DCDC2C: variants seen among roughly 807,000 people sequenced by gnomAD.
DCDC2C encodes the protein doublecortin domain containing 2C.
Under a neutral mutation model 45.0 loss-of-function variants are expected in DCDC2C, and 44 were observed. The observed-to-expected ratio is 0.98, with a 90% CI of 0.77 to 1.26. The LOEUF is 1.26. Ranked by LOEUF, DCDC2C falls within the 50% of genes most tolerant of loss-of-function variation. The pLI is 0.00. For missense variants in DCDC2C, 447 were observed against 468.9 expected, an observed-to-expected ratio of 0.95 and a Z score of 0.43; for synonymous variants, 187 against 178.8, an observed-to-expected ratio of 1.05 and a Z score of -0.37.
At chr2:3,728,053 A>G (rs1668745771) in intron 3 of DCDC2C, among the ~76,000 whole-genome samples, 1 of 152,172 alleles carries the variant, frequency 6.6e-6, no homozygotes, top group Non-Finnish European at 1.5e-5. Flanking sequence ...GAGTTTCCAG[A>G]GAATGCTGAG....
At chr2:3,836,724 C>T (rs144804987) in intron 10 of DCDC2C, among the ~76,000 whole-genome samples, 1,588 of 152,044 alleles carry the variant, frequency 0.01, 26 homozygotes, top group African/African-American at 0.035. Flanking sequence ...TAGCCGGGCA[C>T]GGTGGCGGGC....
intron 10 of DCDC2C, among the ~76,000 whole-genome samples, chr2:3,815,327 G>A (rs1039973879): frequency 6.6e-6 from 1 of 152,002 alleles, no homozygotes; most frequent in Non-Finnish European, 1.5e-5. Context: ...GCACTGCATT[G>A]TTCTTCCTTC....
chr2:3,766,937 G>A (rs1486296359), intron 6 of DCDC2C, among the ~76,000 whole-genome samples: 3 of 152,216 alleles, frequency 2.0e-5, no homozygotes, highest in Admixed American at 6.5e-5. Context: ...GTGGAAAGCC[G>A]TAGGATACTC....
intron 10 of DCDC2C, among the ~76,000 whole-genome samples, chr2:3,799,811 C>T (rs2148200710): frequency 6.6e-6 from 1 of 152,410 alleles, no homozygotes; most frequent in East Asian, 1.9e-4. Flanking sequence ...GAGGTTACTG[C>T]TGTCTTTTTG....
At chr2:3,750,389 C>T (rs541528164) in intron 4 of DCDC2C, among the ~76,000 whole-genome samples, 2 of 152,160 alleles carry the variant, frequency 1.3e-5, no homozygotes, top group African/African-American at 2.4e-5. Context: ...CTCCTGGATT[C>T]GCTGTTCCTT....
chr2:3,778,785 G>C, intron 8 of DCDC2C, 31 bp from the exon 9 acceptor site: 2 of 1,546,104 alleles, frequency 1.3e-6, no homozygotes, highest in Non-Finnish European at 1.7e-6. Flanking sequence ...CACATAAGTA[G>C]TTGATAAAAT....
chr2:3,799,680 GGGGGTCA>G (rs1185897841), intron 10 of DCDC2C, among the ~76,000 whole-genome samples: 2 of 152,138 alleles, frequency 1.3e-5, no homozygotes, highest in Non-Finnish European at 2.9e-5. Context: ...TAGGCTGCTC[GGGGGTCA>G]GGGGTCAGGG....
chr2:3,752,384 T>C (rs1452974995), intron 4 of DCDC2C, among the ~76,000 whole-genome samples: 1 of 152,184 alleles, frequency 6.6e-6, no homozygotes, highest in Non-Finnish European at 1.5e-5. Context: ...ATGCATATTA[T>C]TTGCTAATAA....
Position 3,714,869 on chromosome 2 carries a change from G to A in DCDC2C, c.339+6269G>A, listed in dbSNP as rs148222421. Among the ~76,000 whole-genome samples the A allele has an allele frequency of 8.6e-3, 1,315 of 152,190 alleles. 18 individuals are homozygous for A. Among genetic ancestry groups the A allele is most frequent in the African/African-American group, 0.03 (1,255 of 41,512 alleles). On this transcript the variant is annotated intron_variant, in intron 2 of 10. Transcript: ENST00000399143. ...GCCAATGGCGAGACCACTGTTTGCC[G>A]TTTGCTGTTGACCTGTCAGGAACAC...
chr2:3,747,389 A>G (rs1184297887), intron 4 of DCDC2C, among the ~76,000 whole-genome samples: 1 of 152,236 alleles, frequency 6.6e-6, no homozygotes. Context: ...GAGTTTGCCC[A>G]TCTTGACTAT....
At chr2:3,833,400 G>A (rs1274163247) in intron 10 of DCDC2C, among the ~76,000 whole-genome samples, 1 of 152,116 alleles carries the variant, frequency 6.6e-6, no homozygotes, top group Non-Finnish European at 1.5e-5. Context: ...TCTGTATCTT[G>A]TAGTCACATA....
chr2:3,732,897 T>G (rs902043364), intron 3 of DCDC2C, among the ~76,000 whole-genome samples: 1 of 152,198 alleles, frequency 6.6e-6, no homozygotes, highest in African/African-American at 2.4e-5. Flanking sequence ...ACATGTGGGC[T>G]CTTCCTGAGG....
At chr2:3,798,307 G>T (rs1253461150) in intron 10 of DCDC2C, among the ~76,000 whole-genome samples, 2 of 151,492 alleles carry the variant, frequency 1.3e-5, no homozygotes, top group East Asian at 1.9e-4. Context: ...ACACTGATGG[G>T]TCTTGACTCT....
chr2:3,847,251 G>C lies in DCDC2C; in HGVS notation c.*68G>C, dbSNP rs1672357802. 4.6e-6 allele frequency: 5 copies of C among 1,097,184 alleles called. No individual in the cohort carries two copies. The highest frequency in any genetic ancestry group is 5.8e-6 in the Non-Finnish European group (5 of 865,478). The allele number at this position is 1,097,184 out of a possible 1,614,324, so 68.0% of individuals were successfully genotyped here. On this transcript the variant is annotated 3_prime_UTR_variant, in exon 11 of 11. Coordinates refer to ENST00000399143, the MANE Select transcript of DCDC2C (RefSeq NM_001287444.2). ...CCATGGGGCTTCCACGTCACATATG[G>C]ACATTTTAACAGCAAGAAAATCACA...
intron 2 of DCDC2C, among the ~76,000 whole-genome samples, chr2:3,724,994 A>G (rs987186171): frequency 6.6e-6 from 1 of 151,846 alleles, no homozygotes; most frequent in Non-Finnish European, 1.5e-5. Context: ...TTGGGAAGGG[A>G]GAGGGGGCTG....
chr2:3,841,808 A>C (rs575087191), intron 10 of DCDC2C, among the ~76,000 whole-genome samples: 4 of 152,188 alleles, frequency 2.6e-5, no homozygotes, highest in Non-Finnish European at 4.4e-5. Flanking sequence ...TGCTTGGCAC[A>C]TAGTCATACA....
At chr2:3,715,101 T>A (rs963454493) in intron 2 of DCDC2C, among the ~76,000 whole-genome samples, 10 of 152,238 alleles carry the variant, frequency 6.6e-5, no homozygotes, top group African/African-American at 2.2e-4. Context: ...AATGTATTTA[T>A]TTAAACAAAA....
intron 10 of DCDC2C, among the ~76,000 whole-genome samples, chr2:3,831,644 G>A (rs1162642750): frequency 1.3e-5 from 2 of 152,166 alleles, no homozygotes; most frequent in Non-Finnish European, 2.9e-5. Flanking sequence ...GGAAAGAGGA[G>A]AAGCAAAATG....
intron 10 of DCDC2C, among the ~76,000 whole-genome samples, chr2:3,837,413 G>A (rs1372569772): frequency 1.3e-5 from 2 of 152,182 alleles, no homozygotes; most frequent in African/African-American, 4.8e-5. Context: ...AAGAATGGAA[G>A]TAGTGGGAAT....
Sources: allele counts gnomAD v4.1 joint callset (sites outside exome capture counted in the v4.1 genomes callset), GRCh38; gene constraint gnomAD v4.1.1; transcripts MANE v1.5; gene names NCBI Gene and HGNC (gene_info 2026-07-23, HGNC 2026-07-21).